The following ADGRG2 variants were observed in gnomAD, a reference collection of about 807,000 sequenced individuals.
ADGRG2 encodes the protein G protein-coupled receptor 64.
A neutral mutation model predicts 74.1 loss-of-function variants in ADGRG2; 26 were observed. The ratio of observed to expected loss-of-function variants is 0.35; its 90% CI spans 0.26 to 0.49. The LOEUF is 0.49. Among genes scored for constraint, ADGRG2 ranks in the 20% least tolerant of loss-of-function variants. ADGRG2 has a pLI of 0.99. For synonymous variants in ADGRG2, 296 were observed against 295.2 expected, an observed-to-expected ratio of 1.00 and a Z score of -0.03; for missense variants, 619 against 763.1, an observed-to-expected ratio of 0.81 and a Z score of 2.22.
chrX:18,995,139 C>A (rs2059994626), intron 27 of ADGRG2, 91 bp from the exon 28 acceptor site: 3 of 616,582 alleles, frequency 4.9e-6, no homozygotes, highest in Non-Finnish European at 7.4e-6. Context: ...TCCTAAGCAA[C>A]TGATTTCTCA....
rs760370528 is a variant in ADGRG2, at chrX:19,013,711, A to G, written c.1074T>C (p.Thr358=). The G allele has an allele frequency of 4.2e-6, 5 of 1,197,441 alleles. No individual in the cohort carries two copies. The highest frequency in any genetic ancestry group is 3.7e-5 in the South Asian group (2 of 53,854). The change falls in exon 16 of 29, where the codon ACT becomes ACC. Residue 358 remains threonine (T), a synonymous_variant. Coordinates refer to ENST00000379869, the MANE Select transcript of ADGRG2 (RefSeq NM_001079858.3). ...PTVSAPANVN[T]TSAPPVQTDI... is the part of the protein sequence containing the mutation. ...CTGTCTGGACAGGAGGTGCGCTGGT[A>G]GTGTTGACATTCGCAGGGGCAGACA...
intron 18 of ADGRG2, among the ~76,000 whole-genome samples, chrX:19,008,423 T>G (rs1316518860): frequency 4.5e-5 from 5 of 111,268 alleles, no homozygotes; most frequent in Non-Finnish European, 5.7e-5. Context: ...CCCAACACTT[T>G]GGGAGGCCGA....
intron 18 of ADGRG2, among the ~76,000 whole-genome samples, chrX:19,008,468 C>T (rs1231885101): frequency 9.0e-6 from 1 of 110,920 alleles, no homozygotes; most frequent in Non-Finnish European, 1.9e-5. Context: ...GAGTTTAAGA[C>T]CAGCCTGGCC....
At chrX:19,085,391 C>T (rs903619845) in intron 1 of ADGRG2, among the ~76,000 whole-genome samples, 10 of 111,214 alleles carry the variant, frequency 9.0e-5, no homozygotes, top group African/African-American at 1.6e-4. Flanking sequence ...TGCAGTGGCT[C>T]GATCACAGCT....
At chrX:19,019,853 CA>C (rs1399986220) in intron 14 of ADGRG2, among the ~76,000 whole-genome samples, 188 bp from the exon 15 acceptor site, 1 of 111,783 alleles carries the variant, frequency 8.9e-6, no homozygotes, top group Non-Finnish European at 1.9e-5. Context: ...TAGTAGTGCT[CA>C]AAAATATTTA....
intron 3 of ADGRG2, among the ~76,000 whole-genome samples, chrX:19,049,429 G>A (rs983247664): frequency 2.1e-5 from 2 of 93,060 alleles, no homozygotes; most frequent in South Asian, 4.4e-4. Flanking sequence ...ATATATAAGC[G>A]TTTTTTGTGT....
At chrX:19,094,938 C>T (rs376495636) in intron 1 of ADGRG2, among the ~76,000 whole-genome samples, 1 of 112,149 alleles carries the variant, frequency 8.9e-6, no homozygotes, top group East Asian at 2.8e-4. Flanking sequence ...ACTATCCTCT[C>T]TGACCCGCCC....
At chrX:19,042,917 G>A (rs2061099990) in intron 3 of ADGRG2, among the ~76,000 whole-genome samples, 1 of 110,362 alleles carries the variant, frequency 9.1e-6, no homozygotes, top group African/African-American at 3.3e-5. Flanking sequence ...CTTGAACCCA[G>A]GAGGCGGAGG....
intron 4 of ADGRG2, among the ~76,000 whole-genome samples, chrX:19,038,527 G>A (rs758902024): frequency 2.7e-5 from 3 of 112,547 alleles, no homozygotes; most frequent in Admixed American, 9.4e-5. Context: ...GACAGTTCCT[G>A]AGCAATAAGA....
At chrX:19,090,090 G>A (rs2061994229) in intron 1 of ADGRG2, among the ~76,000 whole-genome samples, 1 of 111,015 alleles carries the variant, frequency 9.0e-6, no homozygotes, top group Non-Finnish European at 1.9e-5. Context: ...TAAAATGCTG[G>A]CCTGGGCTGA....
At chrX:19,027,102 C>T (rs2060721442) in intron 11 of ADGRG2, 117 bp downstream of exon 11, 5 of 591,713 alleles carry the variant, frequency 8.5e-6, no homozygotes, top group Non-Finnish European at 1.5e-5. Context: ...CCAATTGGCT[C>T]TATAACCTTT....
intron 1 of ADGRG2, among the ~76,000 whole-genome samples, chrX:19,117,251 G>A (rs1361990423): frequency 2.8e-5 from 3 of 107,020 alleles, no homozygotes; most frequent in South Asian, 4.2e-4. Context: ...CTGAGATTGC[G>A]CCACTGCACT....
intron 3 of ADGRG2, among the ~76,000 whole-genome samples, chrX:19,050,315 C>T (rs1024640327): frequency 1.8e-5 from 2 of 111,620 alleles, no homozygotes; most frequent in Non-Finnish European, 3.8e-5. Context: ...GCTCCTGGGC[C>T]ATTACTTCCT....
chrX:18,998,868 T>C (rs2060070941), intron 26 of ADGRG2, 128 bp downstream of exon 26: 3 of 526,257 alleles, frequency 5.7e-6, no homozygotes, highest in Non-Finnish European at 9.5e-6. Context: ...TATTGCAATA[T>C]TTGCTTTATT....
intron 1 of ADGRG2, among the ~76,000 whole-genome samples, chrX:19,105,045 C>T (rs187471077): frequency 1.3e-4 from 14 of 108,653 alleles, no homozygotes; most frequent in Admixed American, 1.2e-3. Flanking sequence ...ACCAGCCTGG[C>T]CAACATAGTG....
intron 1 of ADGRG2, among the ~76,000 whole-genome samples, chrX:19,106,330 G>A (rs1040411036): frequency 1.2e-4 from 13 of 110,623 alleles, no homozygotes; most frequent in African/African-American, 4.3e-4. Context: ...GAAGGTGACT[G>A]GTGTGTACTA....
intron 1 of ADGRG2, among the ~76,000 whole-genome samples, chrX:19,107,918 G>A (rs2062339793): frequency 9.4e-6 from 1 of 106,555 alleles, no homozygotes; most frequent in Admixed American, 1.0e-4. Context: ...GGCTAACACG[G>A]TGAAACCCAG....
At chrX:19,002,821 A>G (rs1424979684) in intron 24 of ADGRG2, 25 bp downstream of exon 24, 4 of 1,188,595 alleles carry the variant, frequency 3.4e-6, no homozygotes, top group Non-Finnish European at 3.4e-6. Context: ...AAGTCCAGGC[A>G]ACATGCAGGC....
intron 13 of ADGRG2, 93 bp downstream of exon 13, chrX:19,023,323 C>T (rs900011784): frequency 1.4e-5 from 7 of 485,165 alleles, no homozygotes; most frequent in Non-Finnish European, 1.7e-5. Flanking sequence ...TTAGAGGACC[C>T]CCTTTGCATT....
Sources: allele counts gnomAD v4.1 joint callset (sites outside exome capture counted in the v4.1 genomes callset), GRCh38; gene constraint gnomAD v4.1.1; transcripts MANE v1.5; gene names NCBI Gene and HGNC (gene_info 2026-07-23, HGNC 2026-07-21).